The following HSD17B12 variants were observed in gnomAD, a reference collection of about 807,000 sequenced individuals.
The protein encoded by HSD17B12 is very-long-chain 3-oxoacyl-CoA reductase.
A neutral mutation model predicts 39.3 loss-of-function variants in HSD17B12; 32 were observed. The ratio of observed to expected loss-of-function variants is 0.81; its 90% CI spans 0.61 to 1.09. HSD17B12 has a LOEUF of 1.09. HSD17B12 is among the 50% of genes least tolerant of loss of function. The pLI is 0.00. For synonymous variants in HSD17B12, 150 were observed against 146.7 expected, an observed-to-expected ratio of 1.02 and a Z score of -0.16; for missense variants, 342 against 382.9, an observed-to-expected ratio of 0.89 and a Z score of 0.89.
At chr11:43,581,973 CT>C in the HSD17B12 span, among the ~76,000 whole-genome samples, 1 of 152,086 alleles carries the variant, frequency 6.6e-6, no homozygotes, top group African/African-American at 2.4e-5. The surrounding 1 kb of genome is among the most constrained non-coding windows in gnomAD (Gnocchi z 4.9). Context: ...GCTGGAGGCC[CT>C]TAGTATCTTA....
the HSD17B12 span, among the ~76,000 whole-genome samples, chr11:43,619,215 A>AAAAT: frequency 5.9e-5 from 4 of 67,310 alleles, no homozygotes; most frequent in African/African-American, 2.6e-4. Flanking sequence ...ATATATATAA[A>AAAAT]ATATATATAT....
Position 43,850,804 on chromosome 11 carries a change from T to C in HSD17B12, c.685-3911T>C, listed in dbSNP as rs1413498124. Among the ~76,000 whole-genome samples the C allele has an allele frequency of 1.3e-4, 20 of 152,332 alleles. 1 individual carries two copies. In the South Asian group the frequency reaches 3.5e-3, roughly 27 times the overall value. On this transcript the variant is annotated intron_variant, in intron 9 of 10. Transcript: ENST00000278353. ...CGGGCCTGGTGCGGTGGTTCATGCCTGTAATCCCAGCACTTGGGAGGCTGA... is the reference window on the plus strand; with the variant it reads ...CGGGCCTGGTGCGGTGGTTCATGCCCGTAATCCCAGCACTTGGGAGGCTGA...
In HSD17B12 at chr11:43,687,825, A is replaced by G. The variant is rs191365659; in HGVS notation, c.160+6838A>G. Among the ~76,000 whole-genome samples the G allele has an allele frequency of 7.7e-4, 117 of 152,354 alleles. 1 individual carries two copies. The highest frequency in any genetic ancestry group is 7.3e-4 in the Non-Finnish European group (50 of 68,030). ...AATTTCTTGTTTCTATGACTTCCCT[A>G]GAGTTATTGCCGGCCCTCTTTGGGA... On this transcript the variant is annotated intron_variant, in intron 1 of 10. Transcript: ENST00000278353.
rs758660878 is a variant in HSD17B12, at chr11:43,840,053, G to A, written c.673G>A (p.Val225Ile). 5.9e-5 allele frequency: 95 copies of A among 1,612,002 alleles called. No homozygotes were observed. Among genetic ancestry groups the A allele is most frequent in the East Asian group, 1.1e-4 (5 of 44,820 alleles). Residue 225 changes from valine to isoleucine, a missense_variant, in exon 9 of 11, where the codon GTC becomes ATC. Transcript: ENST00000278353. ...CCATGAGGAGTATAGGAGCAAGGGC[G>A]TCTTTGTGCAGGTGAGTGGAGTTTG... is the stretch of plus-strand genomic sequence containing the variant. ...CLHEEYRSKG[V>I]FVQSVLPYFV... is the part of the protein sequence containing the mutation.
At chr11:43,818,546 A>G (rs1951151820) in intron 6 of HSD17B12, among the ~76,000 whole-genome samples, 3 of 152,230 alleles carry the variant, frequency 2.0e-5, no homozygotes, top group African/African-American at 7.2e-5. Flanking sequence ...TGAAATTTGA[A>G]CATACTCATA....
the HSD17B12 span, among the ~76,000 whole-genome samples, chr11:43,577,068 T>A: frequency 3.3e-5 from 5 of 152,234 alleles, no homozygotes; most frequent in African/African-American, 1.2e-4. Flanking sequence ...GAAAAATCTC[T>A]ACTCCTTTGA....
intron 1 of HSD17B12, among the ~76,000 whole-genome samples, chr11:43,749,097 A>C (rs941404989): frequency 2.0e-5 from 3 of 152,210 alleles, no homozygotes; most frequent in Non-Finnish European, 4.4e-5. Context: ...AAGTACTCCT[A>C]CCAAAAAAAT....
intron 3 of HSD17B12, among the ~76,000 whole-genome samples, chr11:43,782,801 A>C (rs1950778866): frequency 1.3e-5 from 2 of 152,208 alleles, no homozygotes; most frequent in African/African-American, 4.8e-5. Flanking sequence ...GAATACAAAA[A>C]CTTGCAAATT....
At chr11:43,746,113 G>A (rs1950410355) in intron 1 of HSD17B12, among the ~76,000 whole-genome samples, 1 of 152,180 alleles carries the variant, frequency 6.6e-6, no homozygotes, top group South Asian at 2.1e-4. Context: ...GTGAGTGAGT[G>A]AGTGGTGAGT....
At chr11:43,612,458 C>G in the HSD17B12 span, among the ~76,000 whole-genome samples, 9 of 152,194 alleles carry the variant, frequency 5.9e-5, no homozygotes, top group Non-Finnish European at 8.8e-5. Flanking sequence ...AATAGCAACT[C>G]AAGCAAGATA....
chr11:43,800,916 A>T (rs1950960684), intron 4 of HSD17B12, among the ~76,000 whole-genome samples: 1 of 152,138 alleles, frequency 6.6e-6, no homozygotes. Flanking sequence ...AGGCGAGAGG[A>T]TCACCTGAGG....
chr11:43,702,494 T>G (rs1047673800), intron 1 of HSD17B12, among the ~76,000 whole-genome samples: 3 of 152,172 alleles, frequency 2.0e-5, no homozygotes, highest in Non-Finnish European at 2.9e-5. Flanking sequence ...CTATACCCAG[T>G]TTTTTGAAGG....
At chr11:43,790,803 C>T (rs1333331302) in intron 3 of HSD17B12, among the ~76,000 whole-genome samples, 5 of 151,836 alleles carry the variant, frequency 3.3e-5, no homozygotes, top group Non-Finnish European at 7.4e-5. Context: ...ACCAGCCTGG[C>T]CAACATGGTG....
At chr11:43,765,011 A>T (rs537883646) in intron 3 of HSD17B12, among the ~76,000 whole-genome samples, 2,025 of 145,426 alleles carry the variant, frequency 0.014, 62 homozygotes, top group African/African-American at 0.046. Flanking sequence ...TTTGAATTGC[A>T]TGCTTTTTAT....
the HSD17B12 span, chr11:43,645,920 T>C: frequency 2.6e-5 from 4 of 151,698 alleles, no homozygotes; most frequent in African/African-American, 9.7e-5. Context: ...GGTGGAGATA[T>C]CAGTGAACGG....
At chr11:43,655,002 G>C in the HSD17B12 span, among the ~76,000 whole-genome samples, 1 of 152,110 alleles carries the variant, frequency 6.6e-6, no homozygotes, top group Non-Finnish European at 1.5e-5. Context: ...GGGCAGTATG[G>C]CCATTTTCAC....
chr11:43,610,847 A>G, the HSD17B12 span, among the ~76,000 whole-genome samples: 1 of 152,178 alleles, frequency 6.6e-6, no homozygotes, highest in Non-Finnish European at 1.5e-5. Flanking sequence ...TGCACTCCTC[A>G]ATCTCTCATC....
chr11:43,629,480 T>C, the HSD17B12 span, among the ~76,000 whole-genome samples: 2 of 152,212 alleles, frequency 1.3e-5, no homozygotes, highest in African/African-American at 4.8e-5. Context: ...TTTAAACATA[T>C]TGTGCGACTC....
the HSD17B12 span, among the ~76,000 whole-genome samples, chr11:43,624,370 A>G: frequency 1.3e-5 from 2 of 152,018 alleles, no homozygotes; most frequent in South Asian, 2.1e-4. Flanking sequence ...AAATAAATAG[A>G]TAAATTCTGA....
Sources: gnomAD v4.1 joint callset for allele counts (sites outside exome capture counted in the v4.1 genomes callset) on GRCh38, gnomAD v4.1.1 for gene constraint, Gnocchi (gnomAD v3.1) non-coding constraint, MANE v1.5 for transcripts, NCBI Gene and HGNC (gene_info 2026-07-23, HGNC 2026-07-21) for gene names.